The following CDYL2 variants were observed in gnomAD, a reference collection of about 807,000 sequenced individuals.
CDYL2 encodes chromodomain Y-like protein 2.
A neutral mutation model predicts 49.4 loss-of-function variants in CDYL2; 23 were observed. The ratio of observed to expected loss-of-function variants is 0.47; its 90% CI spans 0.34 to 0.66. The LOEUF is 0.66. Ranked by LOEUF, CDYL2 falls within the 30% of genes least tolerant of loss-of-function variation. The probability of loss-of-function intolerance (pLI) is 0.01; values close to 1 mark genes in which losing one functional copy is unlikely to be tolerated. For missense variants in CDYL2, 678 were observed against 656.4 expected (o/e 1.03, Z -0.36); for synonymous variants, 360 against 268.8 (o/e 1.34, Z -3.32).
At chr16:80,634,340 T>C (rs1907716018) in intron 2 of CDYL2, among the ~76,000 whole-genome samples, 1 of 152,160 alleles carries the variant, frequency 6.6e-6, no homozygotes, top group Non-Finnish European at 1.5e-5. Flanking sequence ...GTTCATGTCC[T>C]TTGCAGCGAC....
chr16:80,720,067 G>C (rs980471877), intron 1 of CDYL2, among the ~76,000 whole-genome samples: 1 of 152,170 alleles, frequency 6.6e-6, no homozygotes, highest in Non-Finnish European at 1.5e-5. Context: ...TAGTGGTCGA[G>C]CAAATAATAT....
At chr16:80,774,600 T>C (rs1250855094) in intron 1 of CDYL2, among the ~76,000 whole-genome samples, 1 of 152,196 alleles carries the variant, frequency 6.6e-6, no homozygotes, top group African/African-American at 2.4e-5. Context: ...ATATGTTAAT[T>C]AGCTTGATGG....
intron 6 of CDYL2, among the ~76,000 whole-genome samples, chr16:80,607,604 GTTAT>G (rs1425758256): frequency 1.3e-5 from 2 of 152,216 alleles, no homozygotes; most frequent in Non-Finnish European, 2.9e-5. Context: ...CTGCAGAGGT[GTTAT>G]TTGTTTATGT....
At chr16:80,780,956 C>T (rs553190810) in intron 1 of CDYL2, among the ~76,000 whole-genome samples, 136 of 152,262 alleles carry the variant, frequency 8.9e-4, no homozygotes, top group African/African-American at 3.2e-3. Context: ...TCAGTAAGAA[C>T]AGCAAGCTTT....
At chr16:80,674,725 G>C (rs1349641830) in intron 2 of CDYL2, among the ~76,000 whole-genome samples, 1 of 152,196 alleles carries the variant, frequency 6.6e-6, no homozygotes, top group East Asian at 1.9e-4. Context: ...GTGGTTTTGA[G>C]GTTCATCCAC....
chr16:80,751,529 G>C (rs1567594916), intron 1 of CDYL2, among the ~76,000 whole-genome samples: 1 of 152,204 alleles, frequency 6.6e-6, no homozygotes, highest in African/African-American at 2.4e-5. Context: ...TGTAGCAAGA[G>C]CCTATCAAGG....
Position 80,601,553 on chromosome 16 carries a change from G to A in CDYL2, c.*2835C>T, listed in dbSNP as rs1318026829. On this transcript the variant is annotated 3_prime_UTR_variant, in exon 7 of 7. Transcript: ENST00000570137. ...GGCCCTGGGGTGGAAGATCAAAAAT[G>A]AAAGTCTGAGCTCTGTCTCAGGAAA... 1 of 152,186 alleles carries A rather than the reference G, an allele frequency of 6.6e-6. No individual in the cohort carries two copies. The highest frequency in any genetic ancestry group is 1.5e-5 in the Non-Finnish European group (1 of 68,040). 9.4% of individuals were successfully genotyped at this position (152,186 alleles called of 1,614,324 possible). A position where few individuals can be genotyped will look rare whatever the true frequency, so the allele number is the denominator to read the frequency against.
At chr16:80,795,590 A>C (rs142318447) in intron 1 of CDYL2, among the ~76,000 whole-genome samples, 1 of 152,242 alleles carries the variant, frequency 6.6e-6, no homozygotes, top group African/African-American at 2.4e-5. Flanking sequence ...GTGGATCAGG[A>C]CCAAGAAGTG....
At chr16:80,749,258 G>C (rs1354526955) in intron 1 of CDYL2, among the ~76,000 whole-genome samples, 1 of 152,210 alleles carries the variant, frequency 6.6e-6, no homozygotes, top group Middle Eastern at 3.4e-3. Context: ...GTCTTATTTA[G>C]GGCAGTTAAT....
At chr16:80,685,235 C>A (rs780608785) in intron 1 of CDYL2, 106 bp from the exon 2 acceptor site, 12 of 860,888 alleles carry the variant, frequency 1.4e-5, no homozygotes, top group Non-Finnish European at 2.0e-5. Flanking sequence ...GGCATCTACC[C>A]TAGCCAGGGG....
intron 1 of CDYL2, among the ~76,000 whole-genome samples, chr16:80,755,284 A>G (rs1214097201): frequency 6.6e-6 from 1 of 152,180 alleles, no homozygotes; most frequent in Non-Finnish European, 1.5e-5. Flanking sequence ...TTTAATTACC[A>G]AGGAGTCTGG....
At chr16:80,611,330 G>T (rs1567539099) in intron 5 of CDYL2, among the ~76,000 whole-genome samples, 1 of 152,106 alleles carries the variant, frequency 6.6e-6, no homozygotes, top group Non-Finnish European at 1.5e-5. Flanking sequence ...TGGAAGGAGG[G>T]GACTCCCTGA....
At chr16:80,614,801 T>C (rs1037934771) in intron 4 of CDYL2, among the ~76,000 whole-genome samples, 1 of 148,636 alleles carries the variant, frequency 6.7e-6, no homozygotes, top group African/African-American at 2.5e-5. Context: ...GAGGTGGAGG[T>C]TGTAGTGAGC....
chr16:80,707,287 A>T (rs140084005), intron 1 of CDYL2, among the ~76,000 whole-genome samples: 94 of 152,240 alleles, frequency 6.2e-4, no homozygotes, highest in African/African-American at 2.1e-3. Context: ...ACACAGCAAG[A>T]TCCCCATCTC....
chr16:80,657,842 A>T (rs1040428815), intron 2 of CDYL2, among the ~76,000 whole-genome samples: 2 of 152,160 alleles, frequency 1.3e-5, no homozygotes, highest in African/African-American at 4.8e-5. Context: ...ACAAATATAT[A>T]TATGCATAAA....
chr16:80,658,019 C>G (rs768602977), intron 2 of CDYL2, among the ~76,000 whole-genome samples: 1 of 150,414 alleles, frequency 6.6e-6, no homozygotes, highest in African/African-American at 2.5e-5. Context: ...AGTATACATT[C>G]CAATAAAGAG....
At chr16:80,630,294 C>T (rs529729405) in intron 3 of CDYL2, among the ~76,000 whole-genome samples, 3 of 152,314 alleles carry the variant, frequency 2.0e-5, no homozygotes, top group South Asian at 2.1e-4. Flanking sequence ...GAGGTGAGAA[C>T]CTGTGCACCT....
At chr16:80,727,385 C>G (rs2142534141) in intron 1 of CDYL2, among the ~76,000 whole-genome samples, 1 of 152,358 alleles carries the variant, frequency 6.6e-6, no homozygotes, top group East Asian at 1.9e-4. Flanking sequence ...CTGCGCTTTT[C>G]CGAGGGGCTT....
At chr16:80,639,977 A>C (rs1908010171) in intron 2 of CDYL2, among the ~76,000 whole-genome samples, 1 of 152,194 alleles carries the variant, frequency 6.6e-6, no homozygotes, top group Non-Finnish European at 1.5e-5. Flanking sequence ...GAGTTCCTGC[A>C]AGTCTTGCCA....
Sources: allele counts gnomAD v4.1 joint callset (sites outside exome capture counted in the v4.1 genomes callset), GRCh38; gene constraint gnomAD v4.1.1; transcripts MANE v1.5; gene names NCBI Gene and HGNC (gene_info 2026-07-23, HGNC 2026-07-21).